LMNTD1: variants seen among roughly 807,000 people sequenced by gnomAD.
LMNTD1 encodes lamin tail domain containing 1, also known as lamin tail domain-containing protein 1.
Under a neutral mutation model 50.9 loss-of-function variants are expected in LMNTD1, and 35 were observed. The ratio of observed to expected loss-of-function variants is 0.69; its 90% CI spans 0.53 to 0.91. The LOEUF (loss-of-function observed/expected upper bound fraction) is 0.91, where lower values mean the gene tolerates loss of function less well. Ranked by LOEUF, LMNTD1 falls within the 40% of genes least tolerant of loss-of-function variation. The pLI, the probability that LMNTD1 is intolerant of heterozygous loss-of-function variation, is 0.00. For synonymous variants in LMNTD1, 153 were observed against 161.9 expected, an observed-to-expected ratio of 0.94 and a Z score of 0.42; for missense variants, 470 against 475.5, an observed-to-expected ratio of 0.99 and a Z score of 0.11.
chr12:25,477,504 A>G (rs1178459048), intron 9 of LMNTD1, among the ~76,000 whole-genome samples: 3 of 152,280 alleles, frequency 2.0e-5, no homozygotes, highest in South Asian at 4.2e-4. Flanking sequence ...GAAAAATTGA[A>G]AGGTAAGTTA....
chr12:25,635,309 T>A (rs1391628137), intron 1 of LMNTD1, among the ~76,000 whole-genome samples: 1 of 150,206 alleles, frequency 6.7e-6, no homozygotes, highest in African/African-American at 2.4e-5. Flanking sequence ...AAGATTAATG[T>A]ACAAATATCA....
rs993689593 is a variant in LMNTD1 at position 25,571,054 on chromosome 12, T to C, written c.59-24500A>G. Among the ~76,000 whole-genome samples the C allele has an allele frequency of 3.3e-5, 5 of 152,182 alleles. No homozygotes were observed. The South Asian group carries it at 6.2e-4, about 19-fold the overall frequency. ...TGGCTCAGTGCTCAGCAGAGCCCCA[T>C]GCTTGGTTTAATGATCTGTTGTTGC... On this transcript the variant is annotated intron_variant, in intron 1 of 7. Coordinates refer to the LMNTD1 transcript ENST00000445693.
intron 1 of LMNTD1, among the ~76,000 whole-genome samples, chr12:25,629,614 CA>C (rs1946669405): frequency 6.6e-6 from 1 of 152,138 alleles, no homozygotes; most frequent in African/African-American, 2.4e-5. Flanking sequence ...ACTGTAAAAA[CA>C]AAGAGCTCTG....
chr12:25,482,533 G>A lies in LMNTD1; in HGVS notation c.*23-6073C>T, dbSNP rs183613367. 1.1e-4 allele frequency among the ~76,000 whole-genome samples: 16 copies of A among 151,928 alleles called. 1 individual carries two copies. The highest frequency in any genetic ancestry group is 1.8e-4 in the Non-Finnish European group (12 of 68,008). On this transcript the variant is annotated intron_variant, in intron 9 of 9. Coordinates refer to ENST00000458174, the MANE Select transcript of LMNTD1 (RefSeq NM_001145728.2). ...GAATTGGGGATGTCTCTTTTCCTTT[G>A]AACAAAATCAGCTAAATTTTGAATA...
chr12:25,619,778 T>G (rs1946434536), intron 1 of LMNTD1, among the ~76,000 whole-genome samples: 1 of 152,228 alleles, frequency 6.6e-6, no homozygotes, highest in African/African-American at 2.4e-5. Context: ...GATGGACTAG[T>G]TTTGGCAAAA....
At chr12:25,638,248 A>G (rs1946878573) in intron 1 of LMNTD1, among the ~76,000 whole-genome samples, 1 of 152,124 alleles carries the variant, frequency 6.6e-6, no homozygotes, top group Non-Finnish European at 1.5e-5. Context: ...ACGGTGAAAG[A>G]CAGAATGTTT....
At chr12:25,493,079 G>T (rs1938939452) in intron 9 of LMNTD1, among the ~76,000 whole-genome samples, 1 of 152,022 alleles carries the variant, frequency 6.6e-6, no homozygotes, top group Admixed American at 6.6e-5. Context: ...TGCAATTATT[G>T]TTCTTCAAAG....
intron 1 of LMNTD1, among the ~76,000 whole-genome samples, chr12:25,609,506 G>T (rs1946195574): frequency 6.6e-6 from 1 of 152,142 alleles, no homozygotes; most frequent in African/African-American, 2.4e-5. Flanking sequence ...TGAGGTTTTG[G>T]TGTGGATGTC....
At chr12:25,620,293 G>C (rs1655947679) in intron 1 of LMNTD1, among the ~76,000 whole-genome samples, 1 of 152,072 alleles carries the variant, frequency 6.6e-6, no homozygotes, top group African/African-American at 2.4e-5. Context: ...GAACTCCACA[G>C]TTTTCTAATT....
intron 8 of LMNTD1, among the ~76,000 whole-genome samples, chr12:25,515,477 A>G (rs1940687388): frequency 6.6e-6 from 1 of 152,094 alleles, no homozygotes; most frequent in Admixed American, 6.5e-5. Flanking sequence ...ATGCATGTAA[A>G]CAAAGTATAA....
chr12:25,601,561 C>A (rs1466763377), intron 1 of LMNTD1, among the ~76,000 whole-genome samples: 2 of 151,864 alleles, frequency 1.3e-5, no homozygotes, highest in Admixed American at 1.3e-4. Flanking sequence ...TGTATCAAAT[C>A]ATCTCATGTA....
chr12:25,647,490 A>G (rs964374140), intron 1 of LMNTD1, among the ~76,000 whole-genome samples: 16 of 152,210 alleles, frequency 1.1e-4, no homozygotes, highest in Non-Finnish European at 2.2e-4. Flanking sequence ...ATCCTGTATT[A>G]AAAAATAATA....
intron 1 of LMNTD1, among the ~76,000 whole-genome samples, chr12:25,599,325 A>C (rs546506955): frequency 6.6e-6 from 1 of 152,110 alleles, no homozygotes; most frequent in Admixed American, 6.6e-5. Flanking sequence ...ATAAAAGCCA[A>C]ATATGACAGA....
intron 5 of LMNTD1, among the ~76,000 whole-genome samples, chr12:25,526,544 A>C (rs567871230): frequency 2.7e-4 from 41 of 152,286 alleles, no homozygotes; most frequent in Non-Finnish European, 4.6e-4. Context: ...AAAACAAAAG[A>C]TATTGTACAC....
intron 4 of LMNTD1, among the ~76,000 whole-genome samples, chr12:25,530,667 A>G (rs909459426): frequency 2.0e-5 from 3 of 152,094 alleles, no homozygotes; most frequent in Admixed American, 2.0e-4. Context: ...TGAAGTCTTG[A>G]TTTTGGTTGG....
At chr12:25,484,938 T>G (rs1938573061) in intron 9 of LMNTD1, among the ~76,000 whole-genome samples, 2 of 151,532 alleles carry the variant, frequency 1.3e-5, no homozygotes, top group Non-Finnish European at 2.9e-5. Context: ...AAGTCTTTGC[T>G]ATTGTGAATA....
intron 1 of LMNTD1, among the ~76,000 whole-genome samples, chr12:25,564,823 G>T (rs971728463): frequency 1.3e-5 from 2 of 152,050 alleles, no homozygotes; most frequent in Admixed American, 1.3e-4. Flanking sequence ...GTTGAAAGTG[G>T]GGTGAAGTCT....
chr12:25,585,099 G>A (rs1335808416), intron 1 of LMNTD1, among the ~76,000 whole-genome samples: 1 of 152,218 alleles, frequency 6.6e-6, no homozygotes, highest in Non-Finnish European at 1.5e-5. Flanking sequence ...TGAGAAGAGA[G>A]TCTGGGGCCA....
chr12:25,566,311 A>T (rs1302482205), intron 1 of LMNTD1, among the ~76,000 whole-genome samples: 2 of 151,866 alleles, frequency 1.3e-5, no homozygotes, highest in African/African-American at 4.8e-5. Context: ...GTCTCTTCTG[A>T]CAGTGTATTT....
Sources: gnomAD v4.1 joint callset for allele counts (sites outside exome capture counted in the v4.1 genomes callset) on GRCh38, gnomAD v4.1.1 for gene constraint, MANE v1.5 for transcripts, NCBI Gene and HGNC (gene_info 2026-07-23, HGNC 2026-07-21) for gene names.